Variants in TRIO observed in about 807,000 individuals in gnomAD.
TRIO encodes trio Rho guanine nucleotide exchange factor.
TRIO carries 58 observed loss-of-function variants against 351.9 expected under a neutral mutation model. The observed-to-expected ratio is 0.16, with a 90% CI of 0.13 to 0.21. TRIO has a LOEUF of 0.21. Ranked by LOEUF, TRIO falls within the 10% of genes least tolerant of loss-of-function variation. The probability of loss-of-function intolerance (pLI) is 1.00; values close to 1 mark genes in which losing one functional copy is unlikely to be tolerated. For missense variants in TRIO, 3,201 were observed against 4,027.8 expected, an observed-to-expected ratio of 0.79 and a Z score of 5.56; for synonymous variants, 1,758 against 1,595.7, an observed-to-expected ratio of 1.10 and a Z score of -2.42.
chr5:14,376,082 G>A (rs1395746248), intron 19 of TRIO, among the ~76,000 whole-genome samples: 1 of 152,054 alleles, frequency 6.6e-6, no homozygotes, highest in Non-Finnish European at 1.5e-5. Context: ...AATAAATTTG[G>A]GGTTCATTTT....
At chr5:14,287,129 C>A in intron 4 of TRIO, 66 bp downstream of exon 4, 1 of 1,492,532 alleles carries the variant, frequency 6.7e-7, no homozygotes. Flanking sequence ...GCTATTGAGG[C>A]TAATGAGAGA....
At chr5:14,230,826 G>A (rs1324965603) in intron 1 of TRIO, among the ~76,000 whole-genome samples, 1 of 152,108 alleles carries the variant, frequency 6.6e-6, no homozygotes, top group East Asian at 1.9e-4. Flanking sequence ...TTAAAGCACT[G>A]GAAATGTGTA....
At chr5:14,203,794 C>T (rs351281) in intron 1 of TRIO, among the ~76,000 whole-genome samples, 84 of 152,132 alleles carry the variant, frequency 5.5e-4, no homozygotes, top group African/African-American at 2.0e-3. Context: ...AAAGCCTAGT[C>T]CTTTTCTCAG....
chr5:14,273,986 T>C (rs970841356), intron 2 of TRIO, among the ~76,000 whole-genome samples: 2 of 152,378 alleles, frequency 1.3e-5, no homozygotes, highest in African/African-American at 4.8e-5. Context: ...TCACTCTGGA[T>C]AATTTTGAAG....
chr5:14,358,485 A>AAGG, intron 12 of TRIO, 138 bp downstream of exon 12: 1 of 930,538 alleles, frequency 1.1e-6, no homozygotes, highest in Non-Finnish European at 1.6e-6. Context: ...TGTGAAGGCA[A>AAGG]AGGAGAGAGA....
chr5:14,147,303 T>A (rs2152113075), intron 1 of TRIO, among the ~76,000 whole-genome samples: 1 of 152,320 alleles, frequency 6.6e-6, no homozygotes, highest in Admixed American at 6.5e-5. Flanking sequence ...CCTGGTGCTC[T>A]TTCCTGGTCG....
intron 1 of TRIO, among the ~76,000 whole-genome samples, chr5:14,160,787 C>T (rs1476574033): frequency 6.6e-6 from 1 of 152,190 alleles, no homozygotes; most frequent in Non-Finnish European, 1.5e-5. Context: ...TGGTGAAGAC[C>T]AGTGCAGAAT....
intron 33 of TRIO, among the ~76,000 whole-genome samples, chr5:14,419,426 G>C (rs1394264931): frequency 2.6e-5 from 4 of 152,162 alleles, no homozygotes; most frequent in Non-Finnish European, 5.9e-5. Context: ...CACTGGGTCA[G>C]AACAGAAATT....
intron 1 of TRIO, among the ~76,000 whole-genome samples, chr5:14,172,476 G>A (rs1436156685): frequency 6.6e-6 from 1 of 152,198 alleles, no homozygotes; most frequent in Admixed American, 6.5e-5. Context: ...TGTTGACCAG[G>A]CACACAGAAT....
intron 18 of TRIO, among the ~76,000 whole-genome samples, chr5:14,371,377 A>G (rs1000750933): frequency 3.9e-5 from 6 of 152,260 alleles, no homozygotes; most frequent in African/African-American, 1.2e-4. Flanking sequence ...GAATTTGAAG[A>G]TATGTACAAA....
rs1439843767 is a variant in TRIO, at chr5:14,461,320, C to T, written c.5496+9C>T. On this transcript the variant is annotated intron_variant, in intron 35 of 56. Coordinates refer to ENST00000344204, the MANE Select transcript of TRIO (RefSeq NM_007118.4). ...ACGAGACGGTCGAGGAGGTGAGGCT[C>T]TGCCCGCTGGTTGGGGCCGGCGTGG... 2 of 1,546,516 alleles carry T rather than the reference C, an allele frequency of 1.3e-6. No homozygotes were observed. Among genetic ancestry groups the T allele is most frequent in the South Asian group, 1.2e-5 (1 of 81,262 alleles).
intron 1 of TRIO, among the ~76,000 whole-genome samples, chr5:14,167,825 C>G (rs1207433685): frequency 6.6e-6 from 1 of 152,214 alleles, no homozygotes; most frequent in African/African-American, 2.4e-5. Context: ...GTCCCCCTGA[C>G]CCACCACCAG....
intron 13 of TRIO, among the ~76,000 whole-genome samples, chr5:14,362,658 C>T (rs991159679): frequency 1.3e-5 from 2 of 152,130 alleles, no homozygotes; most frequent in Admixed American, 6.5e-5. Flanking sequence ...AGACCTGATT[C>T]TGGTTCTGTT....
At chr5:14,405,783 T>C in intron 31 of TRIO, 65 bp from the exon 32 acceptor site, 1 of 1,492,736 alleles carries the variant, frequency 6.7e-7, no homozygotes, top group Non-Finnish European at 9.0e-7. Context: ...GAAACCTGGG[T>C]GTGGTTAGGG....
At chr5:14,420,108 G>A in intron 34 of TRIO, 87 bp downstream of exon 34, 1 of 1,538,956 alleles carries the variant, frequency 6.5e-7, no homozygotes, top group South Asian at 1.3e-5. Context: ...GCCTGTTAAT[G>A]TGCATGAGCT....
chr5:14,238,156 G>C (rs1793892610), intron 1 of TRIO, among the ~76,000 whole-genome samples: 2 of 152,292 alleles, frequency 1.3e-5, no homozygotes, highest in Non-Finnish European at 1.5e-5. Flanking sequence ...TGTACGTGTA[G>C]TTGATTTTAG....
At chr5:14,234,110 T>C (rs1311773296) in intron 1 of TRIO, among the ~76,000 whole-genome samples, 1 of 152,214 alleles carries the variant, frequency 6.6e-6, no homozygotes, top group East Asian at 1.9e-4. Context: ...AGCTTTTTTA[T>C]CCTATACCAG....
At chr5:14,150,369 A>G (rs554755538) in intron 1 of TRIO, among the ~76,000 whole-genome samples, 1 of 152,254 alleles carries the variant, frequency 6.6e-6, no homozygotes, top group African/African-American at 2.4e-5. Flanking sequence ...ACTGATTTGT[A>G]TTCTGGTTGT....
intron 28 of TRIO, among the ~76,000 whole-genome samples, 170 bp downstream of exon 28, chr5:14,394,300 T>C (rs1747372940): frequency 6.6e-6 from 1 of 152,210 alleles, no homozygotes; most frequent in South Asian, 2.1e-4. Context: ...TTGCAGGAGT[T>C]AAATGAGAGT....
Sources: allele counts gnomAD v4.1 joint callset (sites outside exome capture counted in the v4.1 genomes callset), GRCh38; gene constraint gnomAD v4.1.1; transcripts MANE v1.5; gene names NCBI Gene and HGNC (gene_info 2026-07-23, HGNC 2026-07-21).